Variants in PRKAR1A observed in about 807,000 individuals in gnomAD.
The protein encoded by PRKAR1A is protein kinase cAMP-dependent type I regulatory subunit alpha.
In PRKAR1A, 3 loss-of-function variants were observed where a neutral mutation model predicts 52.0. The observed-to-expected ratio is 0.06, with a 90% confidence interval of 0.03 to 0.15. The LOEUF (loss-of-function observed/expected upper bound fraction) is 0.15. Ranked by LOEUF, PRKAR1A falls within the 10% of genes least tolerant of loss-of-function variation. The pLI is 1.00. For missense variants in PRKAR1A, 240 were observed against 477.4 expected (o/e 0.50, Z 4.63); for synonymous variants, 188 against 168.4 (o/e 1.12, Z -0.90).
At chr17:68,522,234 C>T (rs1334388676) in intron 2 of PRKAR1A, among the ~76,000 whole-genome samples, 1 of 152,202 alleles carries the variant, frequency 6.6e-6, no homozygotes, top group East Asian at 1.9e-4. Context: ...TAGCATAGGT[C>T]TTGGCCTGGC....
intron 2 of PRKAR1A, among the ~76,000 whole-genome samples, chr17:68,518,457 C>T (rs1350856494): frequency 6.6e-6 from 1 of 152,230 alleles, no homozygotes; most frequent in East Asian, 1.9e-4. Flanking sequence ...CCCACAGGCC[C>T]AGCACCACTT....
the PRKAR1A span, among the ~76,000 whole-genome samples, chr17:68,465,837 TAGAA>T: frequency 6.6e-6 from 1 of 151,810 alleles, no homozygotes; most frequent in Non-Finnish European, 1.5e-5. Flanking sequence ...ACTTGCATCT[TAGAA>T]AGCTCCCTAC....
At chr17:68,438,137 C>T in the PRKAR1A span, among the ~76,000 whole-genome samples, 6 of 152,264 alleles carry the variant, frequency 3.9e-5, no homozygotes, top group Admixed American at 1.3e-4. Flanking sequence ...GTCTCATTTC[C>T]TGCTCTGGCT....
intron 11 of PRKAR1A, chr17:68,543,754 C>A: frequency 6.3e-7 from 1 of 1,575,770 alleles, no homozygotes; most frequent in Non-Finnish European, 8.7e-7. Context: ...GCCCTGGACT[C>A]AGACTTCAGC....
intron 11 of PRKAR1A, among the ~76,000 whole-genome samples, chr17:68,544,704 C>T (rs1203045295): frequency 2.6e-5 from 4 of 150,946 alleles, no homozygotes; most frequent in African/African-American, 4.8e-5. Context: ...GTGCAGCCAC[C>T]GTTACAGCAC....
chr17:68,543,758 C>CCT, intron 11 of PRKAR1A: 1 of 1,570,256 alleles, frequency 6.4e-7, no homozygotes, highest in Non-Finnish European at 8.8e-7. Context: ...TGGACTCAGA[C>CCT]TTCAGCTGGG....
the PRKAR1A span, among the ~76,000 whole-genome samples, chr17:68,472,955 G>A: frequency 6.6e-6 from 1 of 151,720 alleles, no homozygotes; most frequent in Non-Finnish European, 1.5e-5. Context: ...AAAAAAAAAA[G>A]TAATAAATAA....
chr17:68,416,147 G>T, the PRKAR1A span, among the ~76,000 whole-genome samples: 1 of 152,174 alleles, frequency 6.6e-6, no homozygotes, highest in African/African-American at 2.4e-5. Context: ...ATGCTTTAAA[G>T]AGGTTCCATT....
the PRKAR1A span, among the ~76,000 whole-genome samples, chr17:68,467,759 C>T: frequency 1.3e-5 from 2 of 152,208 alleles, no homozygotes; most frequent in African/African-American, 4.8e-5. Flanking sequence ...CTTTCATTCT[C>T]CTAGCTAAAA....
At chr17:68,452,516 G>C in the PRKAR1A span, among the ~76,000 whole-genome samples, 2 of 152,320 alleles carry the variant, frequency 1.3e-5, no homozygotes, top group Non-Finnish European at 2.9e-5. Flanking sequence ...AGTGAGCCAA[G>C]ATCGTGCCAC....
intron 5 of PRKAR1A, 50 bp downstream of exon 5, chr17:68,524,127 T>C (rs1372442062): frequency 3.1e-6 from 5 of 1,593,354 alleles, no homozygotes; most frequent in Non-Finnish European, 4.3e-6. Context: ...GAGGCGAGAC[T>C]AGAGGATTTT....
the PRKAR1A span, among the ~76,000 whole-genome samples, chr17:68,477,885 G>A: frequency 7.4e-3 from 1,131 of 152,170 alleles, 14 homozygotes; most frequent in African/African-American, 0.026. Context: ...ACTACACCCA[G>A]CTAATTTCTG....
the PRKAR1A span, chr17:68,427,388 G>C: frequency 1.5e-6 from 1 of 667,788 alleles, no homozygotes; most frequent in African/African-American, 1.8e-5. Flanking sequence ...GCAGGGTCTT[G>C]CTCTATTGCC....
the PRKAR1A span, among the ~76,000 whole-genome samples, chr17:68,429,278 G>C: frequency 6.6e-6 from 1 of 152,190 alleles, no homozygotes; most frequent in Admixed American, 6.5e-5. Context: ...AGACAGAAAG[G>C]GGGTAAATGG....
chr17:68,456,347 T>C, the PRKAR1A span, among the ~76,000 whole-genome samples: 1 of 152,230 alleles, frequency 6.6e-6, no homozygotes, highest in Non-Finnish European at 1.5e-5. Flanking sequence ...AGGATCAATA[T>C]TAGCGTAGCT....
chr17:68,517,587 A>G (rs150753412), intron 2 of PRKAR1A, among the ~76,000 whole-genome samples: 465 of 152,304 alleles, frequency 3.1e-3, no homozygotes, highest in Middle Eastern at 0.017. Flanking sequence ...TAACAGCATG[A>G]GGGTAACCCC....
the PRKAR1A span, chr17:68,426,992 C>A: frequency 1.5e-6 from 1 of 683,600 alleles, no homozygotes. Context: ...CACTCCACCC[C>A]CAGGTAACAG....
chr17:68,420,794 A>C, the PRKAR1A span: 1 of 306,494 alleles, frequency 3.3e-6, no homozygotes, highest in African/African-American at 2.1e-5. Context: ...AAAGGCATAC[A>C]TGAAAATGCC....
At chr17:68,537,345 G>T, downstream of PRKAR1A, 1 of 1,192,814 alleles carries the variant, frequency 8.4e-7, no homozygotes, top group African/African-American at 1.5e-5. This position sits in a 1 kb window ranked among gnomAD's most constrained non-coding sequence, Gnocchi z 4.2. Context: ...TGCTGTTTGA[G>T]AAAATGTCCT....
Sources: allele counts gnomAD v4.1 joint callset (sites outside exome capture counted in the v4.1 genomes callset), GRCh38; gene constraint gnomAD v4.1.1; non-coding constraint Gnocchi (gnomAD v3.1); transcripts MANE v1.5; gene names NCBI Gene and HGNC (gene_info 2026-07-23, HGNC 2026-07-21).